SOCS6: variants seen among roughly 807,000 people sequenced by gnomAD.
The protein encoded by SOCS6 is STAT induced STAT inhibitor-4.
Under a neutral mutation model 27.7 loss-of-function variants are expected in SOCS6, and 5 were observed. The ratio of observed to expected loss-of-function variants is 0.18; its 90% CI spans 0.09 to 0.38. The LOEUF (loss-of-function observed/expected upper bound fraction) is 0.38. Ranked by LOEUF, SOCS6 falls within the 10% of genes least tolerant of loss-of-function variation. The probability of loss-of-function intolerance (pLI) is 1.00; values close to 1 mark genes in which losing one functional copy is unlikely to be tolerated. For missense variants in SOCS6, 595 were observed against 688.1 expected (o/e 0.86, Z 1.51); for synonymous variants, 271 against 260.0 (o/e 1.04, Z -0.41).
intron 1 of SOCS6, among the ~76,000 whole-genome samples, chr18:70,317,754 T>C (rs1316789927): frequency 6.6e-6 from 1 of 152,174 alleles, no homozygotes; most frequent in Non-Finnish European, 1.5e-5. Context: ...TTTAGTTCTT[T>C]ACGGAATTTC....
chr18:70,303,672 A>G (rs1178276259), intron 1 of SOCS6, among the ~76,000 whole-genome samples: 3 of 152,084 alleles, frequency 2.0e-5, no homozygotes, highest in African/African-American at 2.4e-5. Context: ...ATGTACTTGT[A>G]TTTCCAGCTA....
At chr18:70,308,151 T>C (rs1026202165) in intron 1 of SOCS6, among the ~76,000 whole-genome samples, 18 of 152,248 alleles carry the variant, frequency 1.2e-4, no homozygotes, top group African/African-American at 3.6e-4. Flanking sequence ...GTTGTAGATA[T>C]ATCATTAATT....
intron 1 of SOCS6, among the ~76,000 whole-genome samples, chr18:70,305,394 A>G (rs1047632032): frequency 1.3e-5 from 2 of 152,236 alleles, no homozygotes; most frequent in African/African-American, 4.8e-5. Flanking sequence ...TTTCTTGAAA[A>G]TCAGTCGACT....
At chr18:70,310,979 G>A (rs1172480845) in intron 1 of SOCS6, among the ~76,000 whole-genome samples, 4 of 152,140 alleles carry the variant, frequency 2.6e-5, no homozygotes, top group African/African-American at 9.7e-5. Context: ...GCTCTTATGA[G>A]GATTCAAGAA....
chr18:70,318,919 C>T (rs1421511079), intron 1 of SOCS6, among the ~76,000 whole-genome samples: 3 of 150,174 alleles, frequency 2.0e-5, no homozygotes, highest in African/African-American at 7.4e-5. Context: ...CTGGGCGACG[C>T]GAGCAAGATT....
In SOCS6 at chr18:70,319,125, C is replaced by A. The variant is rs149892478; in HGVS notation, c.-126-5418C>A. Reference sequence around the variant, plus strand: ...TTTTTATTATATGGTCTGTTCTATTCTTTCTTTTTCTATTCTCCCTTTCTG... The same window carrying A: ...TTTTTATTATATGGTCTGTTCTATTATTTCTTTTTCTATTCTCCCTTTCTG... On this transcript the variant is annotated intron_variant, in intron 1 of 1. Transcript: ENST00000397942. Among the ~76,000 whole-genome samples the A allele has an allele frequency of 1.1e-4, 17 of 152,054 alleles. No individual in the cohort carries two copies. The East Asian group carries it at 3.1e-3, about 28-fold the overall frequency.
At position 70,326,899 on chromosome 18, in the gene SOCS6, T is replaced by C. The variant is rs1911230999; in HGVS notation, c.*623T>C. 1 of 167,000 alleles carries C rather than the reference T, an allele frequency of 6.0e-6. No homozygotes were observed. The highest frequency in any genetic ancestry group is 1.5e-5 in the Non-Finnish European group (1 of 68,122). The allele number at this position is 167,000 out of a possible 1,614,324, so 10.3% of individuals were successfully genotyped here. A position where few individuals can be genotyped will look rare whatever the true frequency, so the allele number is the denominator to read the frequency against. ...TAAATTATTTCTAAGGTTGTGCTAA[T>C]TCTTTTGGTTGTGAAAAGTTGAATT... On this transcript the variant is annotated 3_prime_UTR_variant, in exon 2 of 2. Transcript: ENST00000397942.
chr18:70,322,399 AG>A (rs1160935424), intron 1 of SOCS6, among the ~76,000 whole-genome samples: 1 of 152,200 alleles, frequency 6.6e-6, no homozygotes, highest in African/African-American at 2.4e-5. Context: ...CTTTAATATT[AG>A]TATTGATTAA....
At position 70,325,983 on chromosome 18, in the gene SOCS6, A is replaced by G. The variant is rs1191397408; in HGVS notation, c.1315A>G (p.Arg439Gly). The G allele has an allele frequency of 6.2e-7, 1 of 1,614,242 alleles. No homozygotes were observed. Among genetic ancestry groups the G allele is most frequent in the Non-Finnish European group, 8.5e-7 (1 of 1,180,028 alleles). ...CACTAGAATTGAGCACTCAAATGGTAGGTTTAGCTTTTATGAACAGCCAGA... is the reference window on the plus strand; with the variant it reads ...CACTAGAATTGAGCACTCAAATGGTGGGTTTAGCTTTTATGAACAGCCAGA... The part of the protein sequence containing the change: ...LHTRIEHSNG[R>G]FSFYEQPDVE... The change falls in exon 2 of 2, where the codon AGG becomes GGG. Residue 439 changes from arginine to glycine, a missense_variant. By Grantham distance (125) the Arg-to-Gly change is moderately radical. Around this residue, in one of 2 missense-constraint regions of SOCS6, gnomAD observed 128 missense variants for 207.0 expected, o/e 0.62. Coordinates refer to ENST00000397942, the MANE Select transcript of SOCS6 (RefSeq NM_004232.4). The surrounding 1 kb of genome is among the most constrained non-coding windows in gnomAD (Gnocchi z 6.3).
rs1568606464 is a variant in SOCS6 at position 70,325,768 on chromosome 18, T to C, written c.1100T>C (p.Met367Thr). ...VYDSVQSSGPMVVTSLTEELK... is the reference protein window; with the variant it reads ...VYDSVQSSGPTVVTSLTEELK... ...GACTCAGTGCAAAGTAGTGGTCCCA[T>C]GGTTGTGACAAGCCTTACAGAGGAG... The change falls in exon 2 of 2, where the codon ATG becomes ACG. Residue 367 changes from methionine (M) to threonine (T), a missense_variant. This residue lies in a region of SOCS6 where 467 missense variants were observed against 481.1 expected (regional missense o/e 0.97). Coordinates refer to ENST00000397942, the MANE Select transcript of SOCS6 (RefSeq NM_004232.4). The surrounding 1 kb of genome is among the most constrained non-coding windows in gnomAD (Gnocchi z 6.3). 1 of 1,614,222 alleles carries C rather than the reference T, an allele frequency of 6.2e-7. No homozygotes were observed. The highest frequency in any genetic ancestry group is 2.2e-5 in the East Asian group (1 of 44,878).
At chr18:70,294,922 A>G (rs1443985416) in intron 1 of SOCS6, among the ~76,000 whole-genome samples, 1 of 152,274 alleles carries the variant, frequency 6.6e-6, no homozygotes, top group Non-Finnish European at 1.5e-5. Flanking sequence ...AGGGCATCAC[A>G]CTTGGAGACT....
chr18:70,289,072 G>A lies in SOCS6; in HGVS notation c.-145G>A, dbSNP rs1440477418. On this transcript the variant is annotated 5_prime_UTR_variant, in exon 1 of 2. Transcript: ENST00000397942. ...TCGCGCCGGCGCTGGGCGAGGAAGC[G>A]GAGCCGGGCCGCCTCCGGGTAAGCG... 10 of 150,006 alleles carry A rather than the reference G, an allele frequency of 6.7e-5. No individual in the cohort carries two copies. The highest frequency in any genetic ancestry group is 2.0e-4 in the East Asian group (1 of 5,122). The allele number at this position is 150,006 out of a possible 1,614,324, so 9.3% of individuals were successfully genotyped here.
chr18:70,313,200 A>G (rs2062397595), intron 1 of SOCS6, among the ~76,000 whole-genome samples: 3 of 151,774 alleles, frequency 2.0e-5, no homozygotes, highest in Admixed American at 1.3e-4. Context: ...CTTCCTTTTC[A>G]TCATTCTTTT....
chr18:70,298,167 T>TAAAA (rs61517039), intron 1 of SOCS6, among the ~76,000 whole-genome samples: 66,346 of 151,526 alleles, frequency 0.44, 15,151 homozygotes, highest in East Asian at 0.76. Flanking sequence ...CTTTTAATCT[T>TAAAA]AAAGCAATGA....
chr18:70,299,401 CA>C (rs2062338290), intron 1 of SOCS6, among the ~76,000 whole-genome samples: 1 of 152,192 alleles, frequency 6.6e-6, no homozygotes, highest in African/African-American at 2.4e-5. Context: ...GTGCACGGAG[CA>C]AGCACGGGGG....
intron 1 of SOCS6, among the ~76,000 whole-genome samples, chr18:70,312,438 A>G (rs965231799): frequency 6.6e-6 from 1 of 152,196 alleles, no homozygotes; most frequent in African/African-American, 2.4e-5. Flanking sequence ...GGTTAGGTGT[A>G]TATCAATTTA....
At chr18:70,292,153 ATAC>A (rs1375091727) in intron 1 of SOCS6, among the ~76,000 whole-genome samples, 4 of 152,216 alleles carry the variant, frequency 2.6e-5, no homozygotes, top group Non-Finnish European at 4.4e-5. Flanking sequence ...GAGAACAGAC[ATAC>A]TTAGATAAAG....
intron 1 of SOCS6, among the ~76,000 whole-genome samples, chr18:70,303,056 C>T (rs35330211): frequency 0.19 from 28,651 of 152,146 alleles, 3,349 homozygotes; most frequent in Non-Finnish European, 0.26. Flanking sequence ...ACTGCATGTT[C>T]ATTATAGGAT....
At chr18:70,309,803 C>T (rs12458758) in intron 1 of SOCS6, among the ~76,000 whole-genome samples, 35 of 152,094 alleles carry the variant, frequency 2.3e-4, no homozygotes, top group African/African-American at 7.7e-4. Context: ...CCTACCTTGG[C>T]CTCCCGATTA....
Sources: gnomAD v4.1 joint callset for allele counts (sites outside exome capture counted in the v4.1 genomes callset) on GRCh38, gnomAD v4.1.1 for gene constraint, gnomAD v4.1.1 regional missense constraint, Gnocchi (gnomAD v3.1) non-coding constraint, MANE v1.5 for transcripts, NCBI Gene and HGNC (gene_info 2026-07-23, HGNC 2026-07-21) for gene names.